TNRC18: variants seen among roughly 807,000 people sequenced by gnomAD.
TNRC18 encodes the protein trinucleotide repeat containing 18, also known as trinucleotide repeat-containing gene 18 protein.
TNRC18 carries 69 observed loss-of-function variants against 226.7 expected under a neutral mutation model. That is an observed-to-expected ratio of 0.30 (90% CI 0.25 to 0.37). The LOEUF is 0.37. Among genes scored for constraint, TNRC18 ranks in the 10% least tolerant of loss-of-function variants. The pLI, the probability that TNRC18 is intolerant of heterozygous loss-of-function variation, is 1.00. For missense variants in TNRC18, 4,754 were observed against 4,256.6 expected (o/e 1.12, Z -3.25); for synonymous variants, 2,449 against 1,927.6 (o/e 1.27, Z -7.09).
At position 5,386,507 on chromosome 7, in the gene TNRC18, G is replaced by C. The variant is rs560449687; in HGVS notation, c.2152+1165C>G. 7.9e-5 allele frequency among the ~76,000 whole-genome samples: 12 copies of C among 151,716 alleles called. No individual in the cohort carries two copies. The East Asian group carries it at 2.1e-3, about 27-fold the overall frequency. ...CACAATCGCTTGAACCCAGGAGGCA[G>C]AGGTCGCAGTGAGCCAAGATGGCAC... On this transcript the variant is annotated intron_variant, in intron 5 of 29. Coordinates refer to ENST00000430969, the MANE Select transcript of TNRC18 (RefSeq NM_001080495.3).
rs1583704637 is a variant in TNRC18 at position 5,308,336 on chromosome 7, G to A, written c.8701-24C>T. On this transcript the variant is annotated intron_variant, in intron 29 of 29. Coordinates refer to ENST00000430969, the MANE Select transcript of TNRC18 (RefSeq NM_001080495.3). ...CGCTGCGGGCACGCGGGGATATCAG[G>A]ATGGCAGGTGGGGGGCACAGAGGCC... is the stretch of plus-strand genomic sequence containing the variant. The A allele has an allele frequency of 3.1e-6, 5 of 1,590,530 alleles. No homozygotes were observed. The East Asian group carries it at 7.1e-5, about 22-fold the overall frequency.
In TNRC18 at chr7:5,390,613, G is replaced by A. The variant is rs1228175355; in HGVS notation, c.359C>T (p.Pro120Leu). 1 of 1,585,770 alleles carries A rather than the reference G, an allele frequency of 6.3e-7. No individual in the cohort carries two copies. Among genetic ancestry groups the A allele is most frequent in the Non-Finnish European group, 8.6e-7 (1 of 1,165,792 alleles). The change falls in exon 4 of 30, where the codon CCC becomes CTC. Residue 120 changes from proline to leucine, a missense_variant. Physicochemically the swap from Pro to Leu is moderately conservative, Grantham distance 98 (BLOSUM62 -3). Transcript: ENST00000430969. ...GAGGTAGGATGGGTACAGCCCACTG[G>A]GCAGGTGGGAGAAGCCTGTAACAGA... ...AHAHEGFSHL[P>L]SGLYPSYLHL... is the part of the protein sequence containing the mutation.
At chr7:5,338,356 T>G (rs57339835) in intron 18 of TNRC18, among the ~76,000 whole-genome samples, 15 of 151,922 alleles carry the variant, frequency 9.9e-5, no homozygotes, top group African/African-American at 3.6e-4. Flanking sequence ...ACCACGCCAA[T>G]TGTAACCAAG....
chr7:5,388,507 C>G lies in TNRC18; in HGVS notation c.1317G>C (p.Pro439=). 1 of 1,330,228 alleles carries G rather than the reference C, an allele frequency of 7.5e-7. No individual in the cohort carries two copies. Among genetic ancestry groups the G allele is most frequent in the Non-Finnish European group, 9.6e-7 (1 of 1,045,300 alleles). 82.4% of individuals were successfully genotyped at this position (1,330,228 alleles called of 1,614,324 possible). ...GCACCGTGGGGGCATCCGCGGGGGG[C>G]GGCCGCTTGAGCGAGCGGATGACCG... The part of the protein sequence containing the change: ...KNSVIRSLKR[P]PPADAPTVRA... The change falls in exon 5 of 30, where the codon CCG becomes CCC. Residue 439 remains proline (P), a synonymous_variant. Transcript: ENST00000430969.
chr7:5,322,182 G>A (rs1455057440), intron 21 of TNRC18, among the ~76,000 whole-genome samples: 2 of 151,846 alleles, frequency 1.3e-5, no homozygotes, highest in African/African-American at 4.8e-5. Flanking sequence ...GGAGGCTGAG[G>A]CAAAAGAATT....
chr7:5,392,071 G>A (rs926882209), intron 3 of TNRC18, among the ~76,000 whole-genome samples: 2 of 151,926 alleles, frequency 1.3e-5, no homozygotes, highest in East Asian at 1.9e-4. Context: ...CCACTGGGCC[G>A]ATGTCTTCTC....
chr7:5,394,386 T>C lies in TNRC18; in HGVS notation c.343+54A>G. On this transcript the variant is annotated intron_variant, in intron 3 of 29. Coordinates refer to ENST00000430969, the MANE Select transcript of TNRC18 (RefSeq NM_001080495.3). This position sits in a 1 kb window ranked among gnomAD's most constrained non-coding sequence, Gnocchi z 4.5. ...AGAGGGGCACATGAAGTGGCCAGAG[T>C]GGCTGGGACGTCAGCCCAGCAGCCC... 1 of 1,450,058 alleles carries C rather than the reference T, an allele frequency of 6.9e-7. No homozygotes were observed. The highest frequency in any genetic ancestry group is 9.1e-7 in the Non-Finnish European group (1 of 1,096,652). 89.8% of individuals were successfully genotyped at this position (1,450,058 alleles called of 1,614,324 possible). A position where few individuals can be genotyped will look rare whatever the true frequency, so the allele number is the denominator to read the frequency against.
At chr7:5,414,232 C>T (rs757906322) in intron 2 of TNRC18, among the ~76,000 whole-genome samples, 2 of 151,984 alleles carry the variant, frequency 1.3e-5, no homozygotes, top group Non-Finnish European at 2.9e-5. Context: ...CAGGCATGAA[C>T]CCCGTGCCCA....
At chr7:5,321,984 T>A (rs1279884246) in intron 21 of TNRC18, among the ~76,000 whole-genome samples, 1 of 151,858 alleles carries the variant, frequency 6.6e-6, no homozygotes, top group African/African-American at 2.4e-5. Flanking sequence ...TTCTTTTTTT[T>A]AATAATTTTT....
At position 5,332,668 on chromosome 7, in the gene TNRC18, G is replaced by A. The variant is rs991569569; in HGVS notation, c.6101C>T (p.Pro2034Leu). The A allele has an allele frequency of 2.0e-6, 3 of 1,529,396 alleles. No homozygotes were observed. Among genetic ancestry groups the A allele is most frequent in the Non-Finnish European group, 2.6e-6 (3 of 1,141,036 alleles). The allele number at this position is 1,529,396 out of a possible 1,614,324, so 94.7% of individuals were successfully genotyped here. A position where few individuals can be genotyped will look rare whatever the true frequency, so the allele number is the denominator to read the frequency against. Reference sequence around the variant, plus strand: ...CTTTGCACGCCCGGCGTCCTTGCGCGGGCTCAGGGGGCCGCCCTTGGCGCA... The same window carrying A: ...CTTTGCACGCCCGGCGTCCTTGCGCAGGCTCAGGGGGCCGCCCTTGGCGCA... The part of the protein sequence containing the change: ...SRCAKGGPLS[P>L]RKDAGRAKDR... Residue 2034 changes from proline (P) to leucine (L), a missense_variant, in exon 19 of 30, where the codon CCG (proline) becomes CTG (leucine). Physicochemically the swap from Pro to Leu is moderately conservative, Grantham distance 98. Transcript: ENST00000430969.
rs117357315 is a variant in TNRC18, at chr7:5,310,989, G to C, written c.8388+1514C>G. Among the ~76,000 whole-genome samples, 1,308 of 151,806 alleles carry C rather than the reference G, an allele frequency of 8.6e-3. 9 individuals carry two copies. Among genetic ancestry groups the C allele is most frequent in the South Asian group, 0.017 (82 of 4,830 alleles). ...GTACTCGTGTGCATGCACGTGCATG[G>C]ATGCACGTGCACGCATGTATGTGCC... On this transcript the variant is annotated intron_variant, in intron 27 of 29. Transcript: ENST00000430969.
In TNRC18 at chr7:5,345,517, G is replaced by GCTCCCCCC; in HGVS notation, c.5719+44_5719+45insGGGGGGAG. ...CCTGTGGGATGGGGCAATGGCGTCC[G>GCTCCCCCC]CCCCTCCCACCCACCCCCACCGCAG... On this transcript the variant is annotated intron_variant, in intron 18 of 29. Coordinates refer to ENST00000430969, the MANE Select transcript of TNRC18 (RefSeq NM_001080495.3). 13 of 377,742 alleles carry GCTCCCCCC rather than the reference G, an allele frequency of 3.4e-5. 1 individual carries two copies. Among genetic ancestry groups the GCTCCCCCC allele is most frequent in the South Asian group, 1.3e-4 (3 of 22,822 alleles). The allele number at this position is 377,742 out of a possible 1,614,324, so 23.4% of individuals were successfully genotyped here. A position where few individuals can be genotyped will look rare whatever the true frequency, so the allele number is the denominator to read the frequency against.
chr7:5,354,729 G>A (rs550734677), intron 16 of TNRC18, among the ~76,000 whole-genome samples: 8 of 152,186 alleles, frequency 5.3e-5, no homozygotes, highest in African/African-American at 1.4e-4. Context: ...TGCTAGCCTA[G>A]GACAGACGAA....
intron 15 of TNRC18, 61 bp downstream of exon 15, chr7:5,359,337 A>C: frequency 6.3e-7 from 1 of 1,584,686 alleles, no homozygotes; most frequent in Non-Finnish European, 8.7e-7. Flanking sequence ...GTGAACTCTT[A>C]ACACACCCTC....
rs546013444 is a variant in TNRC18 at position 5,394,437 on chromosome 7, T to C, written c.343+3A>G. On this transcript the variant is annotated splice_donor_region_variant and intron_variant, in intron 3 of 29. Coordinates refer to ENST00000430969, the MANE Select transcript of TNRC18 (RefSeq NM_001080495.3). This position sits in a 1 kb window ranked among gnomAD's most constrained non-coding sequence, Gnocchi z 4.5. ...TCAGCCCCGACCCCGGCATGTTCCTTACCTTCATGGGCGTGGGCGGCCCAC... is the reference window on the plus strand; with the variant it reads ...TCAGCCCCGACCCCGGCATGTTCCTCACCTTCATGGGCGTGGGCGGCCCAC... The C allele has an allele frequency of 6.5e-7, 1 of 1,535,398 alleles. No individual in the cohort carries two copies. Among genetic ancestry groups the C allele is most frequent in the East Asian group, 2.5e-5 (1 of 39,758 alleles).
At chr7:5,359,844 C>CAT (rs1485762179) in intron 14 of TNRC18, among the ~76,000 whole-genome samples, 6 of 149,956 alleles carry the variant, frequency 4.0e-5, no homozygotes, top group Non-Finnish European at 7.4e-5. Context: ...CACACACACA[C>CAT]ATCTCTGTGC....
chr7:5,339,594 C>T (rs768234130), intron 18 of TNRC18, among the ~76,000 whole-genome samples: 1 of 149,266 alleles, frequency 6.7e-6, no homozygotes, highest in African/African-American at 2.5e-5. Context: ...GACAGAGTGT[C>T]GCTCTTGTCA....
intron 19 of TNRC18, among the ~76,000 whole-genome samples, chr7:5,329,501 T>C (rs1789283494): frequency 6.6e-6 from 1 of 151,392 alleles, no homozygotes; most frequent in African/African-American, 2.4e-5. Context: ...CTGACCAACA[T>C]GGTGAAACCA....
intron 18 of TNRC18, 45 bp downstream of exon 18, chr7:5,345,517 G>GCCCTCCCCCCCC: frequency 1.3e-5 from 5 of 377,744 alleles, no homozygotes; most frequent in South Asian, 4.4e-5. Context: ...AATGGCGTCC[G>GCCCTCCCCCCCC]CCCCTCCCAC....
Sources: allele counts gnomAD v4.1 joint callset (sites outside exome capture counted in the v4.1 genomes callset), GRCh38; gene constraint gnomAD v4.1.1; non-coding constraint Gnocchi (gnomAD v3.1); transcripts MANE v1.5; gene names NCBI Gene and HGNC (gene_info 2026-07-23, HGNC 2026-07-21).